Variants in LRRC49 observed in about 807,000 individuals in gnomAD.
LRRC49 encodes the protein leucine-rich repeat-containing protein 49.
A neutral mutation model predicts 83.3 loss-of-function variants in LRRC49; 50 were observed. That is an observed-to-expected ratio of 0.60 (90% CI 0.48 to 0.76). The LOEUF (loss-of-function observed/expected upper bound fraction) is 0.76, where lower values mean the gene tolerates loss of function less well. LRRC49 is among the 30% of genes least tolerant of loss of function. LRRC49 has a pLI of 0.00. For synonymous variants in LRRC49, 286 were observed against 283.3 expected, an observed-to-expected ratio of 1.01 and a Z score of -0.10; for missense variants, 704 against 809.1, an observed-to-expected ratio of 0.87 and a Z score of 1.58.
chr15:70,983,237 G>A (rs2141225670), intron 10 of LRRC49, among the ~76,000 whole-genome samples: 1 of 152,042 alleles, frequency 6.6e-6, no homozygotes, highest in African/African-American at 2.4e-5. Context: ...ATTTCTTTCA[G>A]TAGTCTAGAT....
intron 14 of LRRC49, among the ~76,000 whole-genome samples, chr15:71,025,707 G>GAAA (rs55848932): frequency 2.2e-4 from 33 of 146,908 alleles, no homozygotes; most frequent in Non-Finnish European, 3.3e-4. Flanking sequence ...CAAATAGAAA[G>GAAA]AAAAAAAAAA....
intron 8 of LRRC49, 120 bp downstream of exon 8, chr15:70,936,942 A>C: frequency 3.1e-6 from 2 of 652,534 alleles, no homozygotes; most frequent in Middle Eastern, 2.9e-4. Context: ...TTAAATTAGA[A>C]AATGATAAGA....
At chr15:70,926,183 G>T (rs1001267305) in intron 7 of LRRC49, among the ~76,000 whole-genome samples, 2 of 152,102 alleles carry the variant, frequency 1.3e-5, no homozygotes, top group African/African-American at 2.4e-5. Context: ...CAGGCACATT[G>T]GTTATTTCCA....
intron 8 of LRRC49, among the ~76,000 whole-genome samples, chr15:70,962,527 G>A (rs771682817): frequency 1.1e-4 from 16 of 152,036 alleles, no homozygotes; most frequent in Middle Eastern, 3.4e-3. Context: ...AGAAATGGCC[G>A]ATTCTAGGAC....
upstream of LRRC49, chr15:70,892,607 A>C: frequency 6.9e-7 from 1 of 1,458,452 alleles, no homozygotes; most frequent in Non-Finnish European, 9.0e-7. Flanking sequence ...CAGTGTGGCC[A>C]GCCTCTTCCC....
At chr15:70,884,854 C>A (rs1180671375) in intron 2 of LRRC49, among the ~76,000 whole-genome samples, 6 of 152,028 alleles carry the variant, frequency 3.9e-5, no homozygotes, top group Non-Finnish European at 5.9e-5. Flanking sequence ...CAAAAAGAAG[C>A]TAAAAATTAG....
chr15:71,016,449 C>G (rs2038830039), intron 14 of LRRC49, among the ~76,000 whole-genome samples: 1 of 151,824 alleles, frequency 6.6e-6, no homozygotes, highest in South Asian at 2.1e-4. Flanking sequence ...GAAGCTTTTA[C>G]TTCAGGAACC....
intron 2 of LRRC49, among the ~76,000 whole-genome samples, chr15:70,885,182 A>G (rs1263063127): frequency 6.6e-6 from 1 of 152,192 alleles, no homozygotes; most frequent in Non-Finnish European, 1.5e-5. Flanking sequence ...CCACTAGAAC[A>G]TGAGTCAAAA....
intron 9 of LRRC49, among the ~76,000 whole-genome samples, chr15:70,971,320 C>T (rs541135385): frequency 1.9e-4 from 29 of 152,152 alleles, no homozygotes; most frequent in African/African-American, 7.0e-4. Flanking sequence ...TGAGTTCTAA[C>T]GTGATTGCAC....
At chr15:70,952,191 G>A (rs993885454) in intron 8 of LRRC49, among the ~76,000 whole-genome samples, 2 of 149,200 alleles carry the variant, frequency 1.3e-5, no homozygotes, top group Non-Finnish European at 3.0e-5. Context: ...TTACATCTGT[G>A]TTCATCAGGG....
chr15:70,916,927 C>G (rs926484677), intron 6 of LRRC49, among the ~76,000 whole-genome samples: 2 of 152,202 alleles, frequency 1.3e-5, no homozygotes, highest in Middle Eastern at 3.2e-3. Flanking sequence ...AAAGTACCCC[C>G]CAACCCTCAC....
intron 11 of LRRC49, among the ~76,000 whole-genome samples, chr15:71,007,125 C>T (rs1338003347): frequency 6.6e-6 from 1 of 151,912 alleles, no homozygotes; most frequent in African/African-American, 2.4e-5. Context: ...CATTATTCAT[C>T]TTGTTATTGA....
At chr15:70,990,402 A>G (rs1030102568) in intron 11 of LRRC49, among the ~76,000 whole-genome samples, 3 of 152,154 alleles carry the variant, frequency 2.0e-5, no homozygotes, top group East Asian at 1.9e-4. Context: ...TGTGCTAGCA[A>G]TCAGTGAGAC....
upstream of LRRC49, among the ~76,000 whole-genome samples, chr15:70,890,549 T>C (rs963174598): frequency 2.6e-5 from 4 of 152,190 alleles, no homozygotes; most frequent in Non-Finnish European, 5.9e-5. Context: ...CATTCTAATA[T>C]GAGAAACAAA....
At chr15:70,912,891 A>G (rs1386066882) in intron 6 of LRRC49, among the ~76,000 whole-genome samples, 1 of 151,950 alleles carries the variant, frequency 6.6e-6, no homozygotes, top group Non-Finnish European at 1.5e-5. Context: ...GTTAGCCAGG[A>G]TGGTCTCGAT....
intron 9 of LRRC49, among the ~76,000 whole-genome samples, chr15:70,969,004 AT>A (rs2036894194): frequency 6.6e-6 from 1 of 152,036 alleles, no homozygotes; most frequent in Admixed American, 6.6e-5. Flanking sequence ...CCATTTGTCA[AT>A]TTTGGCTTTT....
At chr15:71,000,911 G>C (rs539034832) in intron 11 of LRRC49, among the ~76,000 whole-genome samples, 21 of 151,938 alleles carry the variant, frequency 1.4e-4, no homozygotes, top group African/African-American at 4.6e-4. Flanking sequence ...CGATGGTAGA[G>C]TTCTTCGGAT....
At chr15:70,878,249 A>G (rs2033193627) in intron 2 of LRRC49, among the ~76,000 whole-genome samples, 1 of 152,194 alleles carries the variant, frequency 6.6e-6, no homozygotes, top group African/African-American at 2.4e-5. Context: ...CATTGTTAGC[A>G]TATAGAAATG....
At chr15:71,030,703 C>G (rs1264352572) in intron 14 of LRRC49, among the ~76,000 whole-genome samples, 1 of 151,922 alleles carries the variant, frequency 6.6e-6, no homozygotes, top group Non-Finnish European at 1.5e-5. Flanking sequence ...TTCTTGGAGG[C>G]TTTGTTCATT....
Sources: allele counts gnomAD v4.1 joint callset (sites outside exome capture counted in the v4.1 genomes callset), GRCh38; gene constraint gnomAD v4.1.1; transcripts MANE v1.5; gene names NCBI Gene and HGNC (gene_info 2026-07-23, HGNC 2026-07-21).